HDLBP: variants seen among roughly 807,000 people sequenced by gnomAD.
The protein encoded by HDLBP is vigilin.
HDLBP carries 30 observed loss-of-function variants against 137.3 expected under a neutral mutation model. The ratio of observed to expected loss-of-function variants is 0.22; its 90% CI spans 0.16 to 0.30. The LOEUF (loss-of-function observed/expected upper bound fraction) is 0.30. Among genes scored for constraint, HDLBP ranks in the 10% least tolerant of loss-of-function variants. The pLI, the probability that HDLBP is intolerant of heterozygous loss-of-function variation, is 1.00. For synonymous variants in HDLBP, 606 were observed against 596.0 expected, an observed-to-expected ratio of 1.02 and a Z score of -0.24; for missense variants, 1,119 against 1,667.3, an observed-to-expected ratio of 0.67 and a Z score of 5.73.
chr2:241,311,842 T>G (rs1487125662), intron 1 of HDLBP, among the ~76,000 whole-genome samples: 1 of 152,214 alleles, frequency 6.6e-6, no homozygotes, highest in East Asian at 1.9e-4. Context: ...TATATCACTT[T>G]GGGCAGCCAT....
At chr2:241,250,063 A>G in intron 11 of HDLBP, 83 bp from the exon 12 acceptor site, 1 of 1,351,844 alleles carries the variant, frequency 7.4e-7, no homozygotes, top group Non-Finnish European at 1.0e-6. Flanking sequence ...ACAGCGCTAA[A>G]GCGCTAAATA....
At chr2:241,293,856 A>T (rs1237620779) in intron 1 of HDLBP, among the ~76,000 whole-genome samples, 1 of 149,278 alleles carries the variant, frequency 6.7e-6, no homozygotes, top group African/African-American at 2.5e-5. Context: ...CAGGAGGTTG[A>T]GCCTGCAGTG....
Position 241,238,722 on chromosome 2 carries a change from T to C in HDLBP, c.2676A>G (p.Lys892=). 1 of 1,591,174 alleles carries C rather than the reference T, an allele frequency of 6.3e-7. No individual in the cohort carries two copies. Among genetic ancestry groups the C allele is most frequent in the Non-Finnish European group, 8.6e-7 (1 of 1,163,444 alleles). The change falls in exon 20 of 28, where the codon AAA becomes AAG. Residue 892 remains lysine (K), a synonymous_variant. Coordinates refer to ENST00000310931, the MANE Select transcript of HDLBP (RefSeq NM_005336.6). The surrounding 1 kb of genome is among the most constrained non-coding windows in gnomAD (Gnocchi z 4.9). ...GAGTAATCTGCTGGATTCTGGAACC[T>C]TTGGGGCCCATGACAGATCGATGGA... ...QKFHRSVMGP[K]GSRIQQITRD...
Position 241,299,274 on chromosome 2 carries a change from A to T in HDLBP, c.-103+16296T>A, listed in dbSNP as rs528042713. On this transcript the variant is annotated intron_variant, in intron 1 of 27. Coordinates refer to ENST00000310931, the MANE Select transcript of HDLBP (RefSeq NM_005336.6). The stretch of plus-strand genomic sequence containing the variant: ...GGTGGCTCACGCCTGTAATCCCAGC[A>T]CTTTGGGAGGCCGAGGCAGGTGGAT... 7.2e-5 allele frequency among the ~76,000 whole-genome samples: 11 copies of T among 152,214 alleles called. No homozygotes were observed. In the South Asian group the frequency reaches 2.3e-3, roughly 32 times the overall value.
intron 5 of HDLBP, 71 bp downstream of exon 5, chr2:241,262,640 G>T: frequency 8.4e-7 from 1 of 1,192,720 alleles, no homozygotes; most frequent in Non-Finnish European, 1.2e-6. Flanking sequence ...TGACGTTCTA[G>T]CCTGCATCAG....
intron 12 of HDLBP, chr2:241,249,328 G>A (rs2071930878): frequency 2.1e-6 from 1 of 471,066 alleles, no homozygotes; most frequent in Non-Finnish European, 4.4e-6. Flanking sequence ...AAGGCACCCA[G>A]AGACTTTCAA....
intron 3 of HDLBP, among the ~76,000 whole-genome samples, chr2:241,264,857 T>A (rs1163353218): frequency 6.6e-6 from 1 of 151,934 alleles, no homozygotes; most frequent in East Asian, 1.9e-4. Context: ...CCTACCCCCA[T>A]CCACATGGCC....
rs73013896 is a variant in HDLBP, at chr2:241,233,983, G to T, written c.3145-20C>A. On this transcript the variant is annotated intron_variant, in intron 23 of 27. Coordinates refer to ENST00000310931, the MANE Select transcript of HDLBP (RefSeq NM_005336.6). This position sits in a 1 kb window ranked among gnomAD's most constrained non-coding sequence, Gnocchi z 4.3. ...TAAAGCCTACAAATGAAAGGAGCAA[G>T]AATGAGGCAAAGATTGAGCTGATCC... 2.5e-6 allele frequency: 4 copies of T among 1,613,892 alleles called. No individual in the cohort carries two copies. In the South Asian group the frequency reaches 4.4e-5, roughly 18 times the overall value.
chr2:241,261,144 G>A (rs1265893559), intron 5 of HDLBP, among the ~76,000 whole-genome samples: 1 of 145,298 alleles, frequency 6.9e-6, no homozygotes, highest in African/African-American at 2.6e-5. Flanking sequence ...GCCATGAGCT[G>A]TGTCTGCACC....
rs1429822109 is a variant in HDLBP, at chr2:241,302,949, T to C, written c.-103+12621A>G. Among the ~76,000 whole-genome samples, 4 of 152,296 alleles carry C rather than the reference T, an allele frequency of 2.6e-5. No homozygotes were observed. The East Asian group carries it at 5.8e-4, about 22-fold the overall frequency. The stretch of plus-strand genomic sequence containing the variant: ...GCCTGGCCCGAGGTAAGAGAGTCTT[T>C]GCTCACAGTGCCCTACCAATGCCCA... On this transcript the variant is annotated intron_variant, in intron 1 of 27. Transcript: ENST00000310931.
chr2:241,302,314 A>C (rs1158319798), intron 1 of HDLBP, among the ~76,000 whole-genome samples: 2 of 152,142 alleles, frequency 1.3e-5, no homozygotes, highest in Non-Finnish European at 2.9e-5. Flanking sequence ...AGCACTTTGC[A>C]CTTTGGGAGG....
chr2:241,230,135 A>G lies in HDLBP; in HGVS notation c.3591+18T>C. On this transcript the variant is annotated intron_variant, in intron 26 of 27. Transcript: ENST00000310931. The surrounding 1 kb of genome is among the most constrained non-coding windows in gnomAD (Gnocchi z 5.0). ...CGTGCCAGGGCGCCTCAGGGCTCCAAGGCCCACAGAGACTCACGTATTCCT... is the reference window on the plus strand; with the variant it reads ...CGTGCCAGGGCGCCTCAGGGCTCCAGGGCCCACAGAGACTCACGTATTCCT... The G allele has an allele frequency of 6.3e-7, 1 of 1,599,386 alleles. No homozygotes were observed.
At chr2:241,271,992 G>C (rs2074077730) in intron 1 of HDLBP, 1 of 164,018 alleles carries the variant, frequency 6.1e-6, no homozygotes, top group Admixed American at 6.5e-5. Context: ...CCTCCCACAG[G>C]CCACGAGGGC....
chr2:241,264,500 G>A lies in HDLBP; in HGVS notation c.182C>T (p.Ala61Val). Residue 61 changes from alanine to valine, a missense_variant, in exon 4 of 28, where the codon GCT becomes GTT. By Grantham distance (64) the Ala-to-Val change is moderately conservative. Transcript: ENST00000310931. ...TCGGATCTTGTTCCCCCAGGCTCCA[G>A]CGGGTTCCTGGGCACTTTCCAGGCA... ...AACLESAQEP[A>V]GAWGNKIRPI... is the part of the protein sequence containing the mutation. 2 of 1,613,684 alleles carry A rather than the reference G, an allele frequency of 1.2e-6. No individual in the cohort carries two copies. The highest frequency in any genetic ancestry group is 1.7e-6 in the Non-Finnish European group (2 of 1,179,670).
intron 3 of HDLBP, among the ~76,000 whole-genome samples, chr2:241,266,163 C>G (rs2073657988): frequency 6.6e-6 from 1 of 152,136 alleles, no homozygotes; most frequent in African/African-American, 2.4e-5. Context: ...GGAAATGTCC[C>G]ACCGTTGTAA....
chr2:241,245,781 G>A (rs1190208544), intron 16 of HDLBP, among the ~76,000 whole-genome samples: 1 of 152,078 alleles, frequency 6.6e-6, no homozygotes. Context: ...CAGCCTGGAC[G>A]ACAGCAAGAC....
At chr2:241,270,074 G>A (rs1006153717) in intron 1 of HDLBP, among the ~76,000 whole-genome samples, 15 of 152,142 alleles carry the variant, frequency 9.9e-5, no homozygotes, top group African/African-American at 3.1e-4. Context: ...ATGTCAGCCC[G>A]CACCGACTCT....
In HDLBP at chr2:241,258,276, G is replaced by A. The variant is rs2072871604; in HGVS notation, c.451-1470C>T. Reference sequence around the variant, plus strand: ...GCAGGCGAATGGCGTGAACCCGGGAGGCGGAGCTTGCAGTGAGCCGAGATC... The same window carrying A: ...GCAGGCGAATGGCGTGAACCCGGGAAGCGGAGCTTGCAGTGAGCCGAGATC... On this transcript the variant is annotated intron_variant, in intron 5 of 27. Transcript: ENST00000310931. Among the ~76,000 whole-genome samples, 9 of 151,158 alleles carry A rather than the reference G, an allele frequency of 6.0e-5. No homozygotes were observed. In the South Asian group the frequency reaches 1.9e-3, roughly 32 times the overall value.
At chr2:241,305,760 G>GTT (rs1195214073) in intron 1 of HDLBP, among the ~76,000 whole-genome samples, 20 of 135,994 alleles carry the variant, frequency 1.5e-4, no homozygotes, top group East Asian at 2.2e-4. Flanking sequence ...TTGTTTATTT[G>GTT]TTTTTTTTTT....
Sources: allele counts gnomAD v4.1 joint callset (sites outside exome capture counted in the v4.1 genomes callset), GRCh38; gene constraint gnomAD v4.1.1; non-coding constraint Gnocchi (gnomAD v3.1); transcripts MANE v1.5; gene names NCBI Gene and HGNC (gene_info 2026-07-23, HGNC 2026-07-21).